Variants in CSMD3 observed in about 807,000 individuals in gnomAD.
CSMD3 encodes the protein CUB and sushi domain-containing protein 3.
CSMD3 carries 177 observed loss-of-function variants against 435.2 expected under a neutral mutation model. The ratio of observed to expected loss-of-function variants is 0.41; its 90% CI spans 0.36 to 0.46. The LOEUF (loss-of-function observed/expected upper bound fraction) is 0.46, where lower values mean the gene tolerates loss of function less well. Among genes scored for constraint, CSMD3 ranks in the 20% least tolerant of loss-of-function variants. The pLI is 0.34. For missense variants in CSMD3, 4,265 were observed against 4,504.6 expected (o/e 0.95, Z 1.52); for synonymous variants, 1,656 against 1,520.5 (o/e 1.09, Z -2.07).
chr8:112,431,183 G>C (rs564679430), intron 32 of CSMD3, among the ~76,000 whole-genome samples: 1 of 152,184 alleles, frequency 6.6e-6, no homozygotes, highest in African/African-American at 2.4e-5. Context: ...TATTGACATT[G>C]ATGTCTCCTT....
intron 24 of CSMD3, among the ~76,000 whole-genome samples, chr8:112,562,654 C>G (rs532595066): frequency 1.3e-5 from 2 of 151,334 alleles, no homozygotes; most frequent in Non-Finnish European, 3.0e-5. Context: ...ATTTTAACCT[C>G]TATAGAATTG....
chr8:112,251,199 G>A (rs879886518), intron 63 of CSMD3, among the ~76,000 whole-genome samples: 7 of 151,514 alleles, frequency 4.6e-5, no homozygotes, highest in South Asian at 2.1e-4. Context: ...TCTCAAAAAC[G>A]TATATGCTTC....
chr8:112,952,261 G>A (rs1056192534), intron 8 of CSMD3, among the ~76,000 whole-genome samples: 19 of 151,482 alleles, frequency 1.3e-4, no homozygotes, highest in African/African-American at 3.9e-4. Flanking sequence ...AAAATCTAAA[G>A]GTGCCATTAT....
At chr8:112,627,883 A>G (rs1834621635) in intron 22 of CSMD3, among the ~76,000 whole-genome samples, 1 of 152,218 alleles carries the variant, frequency 6.6e-6, no homozygotes, top group African/African-American at 2.4e-5. Flanking sequence ...CACAGAAAGT[A>G]TAAAGAAAAC....
intron 13 of CSMD3, among the ~76,000 whole-genome samples, chr8:112,710,982 G>T (rs1464436979): frequency 1.3e-5 from 2 of 151,890 alleles, no homozygotes; most frequent in Non-Finnish European, 2.9e-5. Flanking sequence ...CCAGCCAACA[G>T]GGTAAAGCAG....
At chr8:112,921,790 A>T (rs773277264) in intron 9 of CSMD3, 39 bp from the exon 10 acceptor site, 4 of 1,511,674 alleles carry the variant, frequency 2.6e-6, no homozygotes, top group East Asian at 2.3e-5. Flanking sequence ...GATAAGAAAG[A>T]TGCAACATAA....
In CSMD3 at chr8:112,301,861, A is replaced by G. The variant is rs1820954245; in HGVS notation, c.8372T>C (p.Leu2791Pro). The G allele has an allele frequency of 1.9e-6, 3 of 1,613,908 alleles. No homozygotes were observed. Among genetic ancestry groups the G allele is most frequent in the East Asian group, 2.2e-5 (1 of 44,852 alleles). ...AIFTCDLGFM[L>P]VGSAVRECLS... ...GCATTCCCTTACAGCAGAGCCCACAAGCATGAATCCCAAGTCGCAGGTAAA... is the reference window on the plus strand; with the variant it reads ...GCATTCCCTTACAGCAGAGCCCACAGGCATGAATCCCAAGTCGCAGGTAAA... The change falls in exon 53 of 71, where the codon CTT becomes CCT. Residue 2791 changes from leucine (L) to proline (P), a missense_variant. Leu to Pro is a moderately conservative substitution (Grantham distance 98). Coordinates refer to ENST00000297405, the MANE Select transcript of CSMD3 (RefSeq NM_198123.2).
intron 42 of CSMD3, 135 bp downstream of exon 42, chr8:112,341,342 T>C (rs888767937): frequency 1.1e-5 from 7 of 642,164 alleles, no homozygotes; most frequent in Non-Finnish European, 1.3e-5. Flanking sequence ...ATCTTCCTAA[T>C]TGAAGCTCAC....
chr8:112,730,376 G>C (rs2132009682), intron 13 of CSMD3, among the ~76,000 whole-genome samples: 1 of 152,178 alleles, frequency 6.6e-6, no homozygotes, highest in Admixed American at 6.6e-5. Flanking sequence ...GATAAAGATT[G>C]TCATTATTTC....
At chr8:112,728,530 CTGTTAT>C (rs2077012032) in intron 13 of CSMD3, among the ~76,000 whole-genome samples, 1 of 151,956 alleles carries the variant, frequency 6.6e-6, no homozygotes, top group Non-Finnish European at 1.5e-5. Context: ...TACCTATATT[CTGTTAT>C]TGTTGTTTTG....
rs201088357 is a variant in CSMD3, at chr8:112,230,819, G to GA, written c.10828+725dup. Among the ~76,000 whole-genome samples the GA allele has an allele frequency of 1.8e-3, 248 of 139,750 alleles. 4 individuals carry two copies. The Middle Eastern group carries it at 0.049, about 28-fold the overall frequency. The allele number at this position is 139,750 out of a possible 152,430, so 91.7% of individuals were successfully genotyped here. ...AAGAGCATGACTCTGTCTCAAAAAA[G>GA]AAAAAAAAAAAGTTCATTTCTTAAA... On this transcript the variant is annotated intron_variant, in intron 69 of 70. Coordinates refer to ENST00000297405, the MANE Select transcript of CSMD3 (RefSeq NM_198123.2).
At chr8:112,699,927 G>A (rs1417950418) in intron 13 of CSMD3, among the ~76,000 whole-genome samples, 1 of 152,068 alleles carries the variant, frequency 6.6e-6, no homozygotes, top group Non-Finnish European at 1.5e-5. Context: ...AGGTTCTTGG[G>A]TTGAATCCTG....
chr8:113,344,066 A>G (rs1461621143), intron 1 of CSMD3, among the ~76,000 whole-genome samples: 1 of 152,162 alleles, frequency 6.6e-6, no homozygotes, highest in Non-Finnish European at 1.5e-5. Context: ...ATTCTATATT[A>G]GTGTTTTTTC....
intron 32 of CSMD3, among the ~76,000 whole-genome samples, chr8:112,446,135 A>G (rs1463121600): frequency 1.3e-5 from 2 of 152,216 alleles, no homozygotes; most frequent in Non-Finnish European, 2.9e-5. Flanking sequence ...AAGCATTGGG[A>G]GCAGAATTCA....
intron 2 of CSMD3, among the ~76,000 whole-genome samples, chr8:113,290,088 C>A (rs2093675630): frequency 6.6e-6 from 1 of 151,610 alleles, no homozygotes; most frequent in African/African-American, 2.4e-5. Flanking sequence ...AATAAATAAT[C>A]TTTGTGATAT....
intron 4 of CSMD3, among the ~76,000 whole-genome samples, chr8:113,153,706 A>G (rs2091878102): frequency 6.6e-6 from 1 of 152,076 alleles, no homozygotes; most frequent in Non-Finnish European, 1.5e-5. Context: ...GTGGGGGTGC[A>G]ACAGAATTTA....
intron 13 of CSMD3, among the ~76,000 whole-genome samples, chr8:112,798,301 T>A (rs1033142699): frequency 6.6e-6 from 1 of 151,664 alleles, no homozygotes; most frequent in African/African-American, 2.4e-5. Context: ...AAAAGAAAAT[T>A]AGATGGAGAA....
intron 22 of CSMD3, among the ~76,000 whole-genome samples, chr8:112,634,376 T>A (rs1394925685): frequency 6.6e-6 from 1 of 152,022 alleles, no homozygotes; most frequent in Non-Finnish European, 1.5e-5. Flanking sequence ...AGTAACATTT[T>A]AAAAAACATT....
intron 9 of CSMD3, among the ~76,000 whole-genome samples, chr8:112,944,869 T>C (rs1394922255): frequency 6.6e-6 from 1 of 151,594 alleles, no homozygotes; most frequent in Non-Finnish European, 1.5e-5. Context: ...ACAAGTTCTC[T>C]TGTCTTTCTA....
Sources: gnomAD v4.1 joint callset for allele counts (sites outside exome capture counted in the v4.1 genomes callset) on GRCh38, gnomAD v4.1.1 for gene constraint, MANE v1.5 for transcripts, NCBI Gene and HGNC (gene_info 2026-07-23, HGNC 2026-07-21) for gene names.